The following LRP5 variants were observed in gnomAD, a reference collection of about 807,000 sequenced individuals.
LRP5 encodes the protein low-density lipoprotein receptor-related protein 5.
LRP5 carries 62 observed loss-of-function variants against 154.1 expected under a neutral mutation model. That is an observed-to-expected ratio of 0.40 (90% confidence interval 0.33 to 0.50). LRP5 has a LOEUF of 0.50. Ranked by LOEUF, LRP5 falls within the 20% of genes least tolerant of loss-of-function variation. LRP5 has a pLI of 0.55. For synonymous variants in LRP5, 966 were observed against 1,011.5 expected, an observed-to-expected ratio of 0.96 and a Z score of 0.85; for missense variants, 1,915 against 2,336.7, an observed-to-expected ratio of 0.82 and a Z score of 3.72.
chr11:68,440,522 A>C (rs1046296885), intron 21 of LRP5, among the ~76,000 whole-genome samples: 2 of 152,190 alleles, frequency 1.3e-5, no homozygotes, highest in African/African-American at 4.8e-5. Flanking sequence ...CGTTTCTGGG[A>C]GCACAGTCCC....
At chr11:68,357,926 G>A (rs2098624570) in intron 3 of LRP5, 79 bp downstream of exon 3, 5 of 1,327,354 alleles carry the variant, frequency 3.8e-6, no homozygotes, top group South Asian at 1.3e-5. Context: ...CTTAACTCAG[G>A]CCTACAGACT....
intron 7 of LRP5, among the ~76,000 whole-genome samples, chr11:68,402,161 C>T (rs2098652940): frequency 6.6e-6 from 1 of 152,206 alleles, no homozygotes; most frequent in African/African-American, 2.4e-5. Context: ...GGAAGCTTGC[C>T]TTTAATGGCC....
At chr11:68,339,448 A>G (rs1013921093) in intron 1 of LRP5, among the ~76,000 whole-genome samples, 3 of 152,046 alleles carry the variant, frequency 2.0e-5, no homozygotes, top group Admixed American at 6.5e-5. Flanking sequence ...CCCAGGTTCA[A>G]GGGATTCTCT....
the LRP5 span, among the ~76,000 whole-genome samples, chr11:68,304,601 G>T: frequency 1.3e-5 from 2 of 152,260 alleles, no homozygotes; most frequent in Non-Finnish European, 2.9e-5. Flanking sequence ...TGGAAAAGCC[G>T]CAGGCCCTCA....
upstream of LRP5, among the ~76,000 whole-genome samples, chr11:68,311,518 C>T (rs1420874280): frequency 6.6e-6 from 1 of 152,236 alleles, no homozygotes; most frequent in Non-Finnish European, 1.5e-5. Context: ...TCATGGCATT[C>T]TTCATGGCCT....
At chr11:68,398,862 G>A (rs1021628547) in intron 7 of LRP5, among the ~76,000 whole-genome samples, 2 of 152,052 alleles carry the variant, frequency 1.3e-5, no homozygotes, top group African/African-American at 4.8e-5. Flanking sequence ...AGCCTCCTGA[G>A]TAGCGGGGAC....
At chr11:68,317,521 C>T (rs187180897) in intron 1 of LRP5, among the ~76,000 whole-genome samples, 17 of 151,962 alleles carry the variant, frequency 1.1e-4, no homozygotes, top group Admixed American at 9.2e-4. Context: ...TGGTCCTATC[C>T]GTTCCCTACC....
Sources: gnomAD v4.1 joint callset for allele counts (sites outside exome capture counted in the v4.1 genomes callset) on GRCh38, gnomAD v4.1.1 for gene constraint, MANE v1.5 for transcripts, NCBI Gene and HGNC (gene_info 2026-07-23, HGNC 2026-07-21) for gene names.